Variants in CCSER1 observed in about 807,000 individuals in gnomAD.
CCSER1 encodes serine-rich coiled-coil domain-containing protein 1.
CCSER1 carries 41 observed loss-of-function variants against 82.0 expected under a neutral mutation model. The observed-to-expected ratio is 0.50, with a 90% CI of 0.39 to 0.65. The LOEUF (loss-of-function observed/expected upper bound fraction) is 0.65. Among genes scored for constraint, CCSER1 ranks in the 30% least tolerant of loss-of-function variants. CCSER1 has a pLI of 0.00. For synonymous variants in CCSER1, 414 were observed against 383.9 expected (o/e 1.08, Z -0.92); for missense variants, 1,119 against 1,064.2 (o/e 1.05, Z -0.72).
At chr4:91,162,738 C>T (rs2148981208) in intron 10 of CCSER1, among the ~76,000 whole-genome samples, 1 of 152,302 alleles carries the variant, frequency 6.6e-6, no homozygotes, top group African/African-American at 2.4e-5. Context: ...ATAGTATCCT[C>T]TGATGGTAGT....
At chr4:91,522,884 G>T in intron 10 of CCSER1, among the ~76,000 whole-genome samples, 1 of 151,990 alleles carries the variant, frequency 6.6e-6, no homozygotes. Context: ...TTGTCTGATT[G>T]CCCTGGCCAG....
In CCSER1 at chr4:91,387,010, A is replaced by G. The variant is rs1025147379; in HGVS notation, c.2218-211562A>G. ...CATAATCCTCGACAGGATCCTGTAT[A>G]GGAGGAAAAACAGCAGTCTTATAAA... On this transcript the variant is annotated intron_variant, in intron 10 of 10. Coordinates refer to ENST00000509176, the MANE Select transcript of CCSER1 (RefSeq NM_001145065.2). Among the ~76,000 whole-genome samples, 4 of 152,148 alleles carry G rather than the reference A, an allele frequency of 2.6e-5. No individual in the cohort carries two copies. In the East Asian group the frequency reaches 5.8e-4, roughly 22 times the overall value.
chr4:91,324,185 A>C (rs1411299190), intron 10 of CCSER1, among the ~76,000 whole-genome samples: 1 of 152,208 alleles, frequency 6.6e-6, no homozygotes, highest in Admixed American at 6.5e-5. Context: ...TGATTTATAC[A>C]TATAAGGTTT....
chr4:91,461,643 T>G (rs1361189438), intron 10 of CCSER1, among the ~76,000 whole-genome samples: 2 of 152,068 alleles, frequency 1.3e-5, no homozygotes, highest in East Asian at 3.9e-4. Context: ...ATTAGTAAAA[T>G]GGCTGTTTTA....
chr4:90,807,336 T>A (rs2149723964), intron 7 of CCSER1, among the ~76,000 whole-genome samples: 1 of 152,320 alleles, frequency 6.6e-6, no homozygotes. Context: ...GTATAATCCT[T>A]GTCCATAATA....
At chr4:90,627,273 G>T (rs1047319157) in intron 5 of CCSER1, among the ~76,000 whole-genome samples, 1 of 152,054 alleles carries the variant, frequency 6.6e-6, no homozygotes, top group Non-Finnish European at 1.5e-5. Context: ...ATAATGAGAT[G>T]TGAATAAAAT....
chr4:90,606,940 C>G (rs1286760220), intron 5 of CCSER1, among the ~76,000 whole-genome samples: 1 of 152,138 alleles, frequency 6.6e-6, no homozygotes, highest in East Asian at 1.9e-4. Context: ...CATAACATTA[C>G]AGATACATTT....
chr4:91,285,149 A>G (rs1336709025), intron 10 of CCSER1, among the ~76,000 whole-genome samples: 2 of 151,806 alleles, frequency 1.3e-5, no homozygotes, highest in African/African-American at 2.4e-5. Context: ...TCTATCGTCT[A>G]CATTTCTAAT....
chr4:91,137,534 G>T (rs111971942), intron 10 of CCSER1, among the ~76,000 whole-genome samples: 8,714 of 103,758 alleles, frequency 0.084, 369 homozygotes, highest in East Asian at 0.19. Flanking sequence ...CCCAGTAATG[G>T]GATGGCTGGG....
chr4:90,362,957 A>G (rs1342377538), intron 3 of CCSER1, among the ~76,000 whole-genome samples: 1 of 152,120 alleles, frequency 6.6e-6, no homozygotes, highest in Non-Finnish European at 1.5e-5. Flanking sequence ...AATTGAGTAA[A>G]TTTATATTAT....
chr4:90,828,838 C>T (rs927686243), intron 8 of CCSER1, among the ~76,000 whole-genome samples: 1 of 151,976 alleles, frequency 6.6e-6, no homozygotes, highest in Non-Finnish European at 1.5e-5. Flanking sequence ...TTTGCTCTTA[C>T]ATTTGTTAGG....
At chr4:91,100,081 G>A (rs1724904848) in intron 10 of CCSER1, among the ~76,000 whole-genome samples, 1 of 152,054 alleles carries the variant, frequency 6.6e-6, no homozygotes, top group Non-Finnish European at 1.5e-5. Context: ...CCAGAGTCAG[G>A]TTGGAAAGTA....
intron 1 of CCSER1, among the ~76,000 whole-genome samples, chr4:90,245,142 T>C (rs967284919): frequency 6.6e-6 from 1 of 152,226 alleles, no homozygotes; most frequent in Non-Finnish European, 1.5e-5. Flanking sequence ...ATATATTTGA[T>C]GCTGATTATT....
At chr4:90,446,199 T>A (rs1450260872) in intron 4 of CCSER1, among the ~76,000 whole-genome samples, 1 of 152,208 alleles carries the variant, frequency 6.6e-6, no homozygotes, top group Non-Finnish European at 1.5e-5. Context: ...GTTATTTCAA[T>A]CACCCATTAA....
At chr4:90,965,180 A>C (rs1242103209) in intron 9 of CCSER1, among the ~76,000 whole-genome samples, 1 of 152,148 alleles carries the variant, frequency 6.6e-6, no homozygotes, top group Non-Finnish European at 1.5e-5. Context: ...CAATTGTTTA[A>C]TATTTCAGTT....
chr4:91,499,535 C>T (rs1029514662), intron 10 of CCSER1, among the ~76,000 whole-genome samples: 6 of 151,786 alleles, frequency 4.0e-5, no homozygotes, highest in Admixed American at 3.9e-4. Flanking sequence ...GGTGCAGATT[C>T]TGTGGGTTTA....
At chr4:90,688,087 C>T (rs2149215429) in intron 6 of CCSER1, among the ~76,000 whole-genome samples, 1 of 152,138 alleles carries the variant, frequency 6.6e-6, no homozygotes, top group East Asian at 1.9e-4. Context: ...TGTTATAAGT[C>T]CAAGTATCAA....
rs35869800 is a variant in CCSER1, at chr4:90,870,815, CTT to C, written c.2095-52537_2095-52536del. ...AGCAGTAAAGCCACCAGGTCCTTGG[CTT>C]TTTTTTTTTTTTTTTTTACCGGGAG... On this transcript the variant is annotated intron_variant, in intron 8 of 10. Coordinates refer to ENST00000509176, the MANE Select transcript of CCSER1 (RefSeq NM_001145065.2). Among the ~76,000 whole-genome samples, 47 of 109,518 alleles carry C rather than the reference CTT, an allele frequency of 4.3e-4. 1 individual carries two copies. The highest frequency in any genetic ancestry group is 4.9e-4 in the Non-Finnish European group (26 of 52,564). 71.8% of individuals were successfully genotyped at this position (109,518 alleles called of 152,430 possible).
intron 7 of CCSER1, among the ~76,000 whole-genome samples, chr4:90,751,613 A>G (rs1748679095): frequency 6.6e-6 from 1 of 152,036 alleles, no homozygotes; most frequent in South Asian, 2.1e-4. Flanking sequence ...AAGCATTTGA[A>G]TTTGTCTTAT....
Sources: gnomAD v4.1 joint callset for allele counts (sites outside exome capture counted in the v4.1 genomes callset) on GRCh38, gnomAD v4.1.1 for gene constraint, MANE v1.5 for transcripts, NCBI Gene and HGNC (gene_info 2026-07-23, HGNC 2026-07-21) for gene names.